SLC25A17: variants seen among roughly 807,000 people sequenced by gnomAD.
SLC25A17 encodes peroxisomal membrane protein PMP34.
A neutral mutation model predicts 38.5 loss-of-function variants in SLC25A17; 26 were observed. The observed-to-expected ratio is 0.68, with a 90% confidence interval of 0.50 to 0.94. The LOEUF is 0.94. Among genes scored for constraint, SLC25A17 ranks in the 40% least tolerant of loss-of-function variants. The probability of loss-of-function intolerance (pLI) is 0.00; values close to 1 mark genes in which losing one functional copy is unlikely to be tolerated. For missense variants in SLC25A17, 333 were observed against 372.7 expected (o/e 0.89, Z 0.88); for synonymous variants, 139 against 136.2 (o/e 1.02, Z -0.14).
At chr22:40,786,310 CAAAA>C (rs1294429530) in intron 4 of SLC25A17, among the ~76,000 whole-genome samples, 1 of 120,242 alleles carries the variant, frequency 8.3e-6, no homozygotes. Flanking sequence ...AACCCTGTTG[CAAAA>C]AAAAAAAAAA....
At chr22:40,792,750 G>T in intron 3 of SLC25A17, 74 bp from the exon 4 acceptor site, 1 of 1,509,046 alleles carries the variant, frequency 6.6e-7, no homozygotes, top group Non-Finnish European at 9.1e-7. Flanking sequence ...CCTAGGAAAG[G>T]CTGACCATCA....
At chr22:40,787,729 T>C (rs986254651) in intron 4 of SLC25A17, among the ~76,000 whole-genome samples, 2 of 151,922 alleles carry the variant, frequency 1.3e-5, no homozygotes, top group Admixed American at 6.6e-5. Context: ...ACACTTATTT[T>C]ACTGTCTTCG....
chr22:40,818,657 G>C (rs2057665502), intron 1 of SLC25A17, among the ~76,000 whole-genome samples: 1 of 147,190 alleles, frequency 6.8e-6, no homozygotes, highest in African/African-American at 2.5e-5. Flanking sequence ...AGTGAGTCGT[G>C]ATCGCGCCAC....
chr22:40,805,894 G>A (rs940245686), intron 1 of SLC25A17, among the ~76,000 whole-genome samples: 5 of 152,130 alleles, frequency 3.3e-5, no homozygotes, highest in Non-Finnish European at 5.9e-5. Flanking sequence ...TAATACAGCC[G>A]GATTACTATT....
chr22:40,819,251 G>T lies in SLC25A17; in HGVS notation c.-3C>A, dbSNP rs369861280. 6.2e-7 allele frequency: 1 copy of T among 1,613,816 alleles called. No homozygotes were observed. Among genetic ancestry groups the T allele is most frequent in the African/African-American group, 1.3e-5 (1 of 75,048 alleles). On this transcript the variant is annotated 5_prime_UTR_variant, in exon 1 of 9. Transcript: ENST00000435456. ...TCGTAGGACAGCACGGAAGCCATTG[G>T]TGCGGCTCCTCGAAGACCCAGCCAC... is the stretch of plus-strand genomic sequence containing the variant.
chr22:40,794,778 C>T (rs2057413797), intron 2 of SLC25A17, among the ~76,000 whole-genome samples, 198 bp from the exon 3 acceptor site: 1 of 152,118 alleles, frequency 6.6e-6, no homozygotes, highest in African/African-American at 2.4e-5. Context: ...CACCACCATG[C>T]CCAGCTAATT....
intron 1 of SLC25A17, chr22:40,817,402 A>T (rs1367209584): frequency 6.6e-6 from 1 of 152,132 alleles, no homozygotes; most frequent in Non-Finnish European, 1.5e-5. Context: ...AGTCATTGAG[A>T]TTCTTCTGTC....
intron 4 of SLC25A17, among the ~76,000 whole-genome samples, chr22:40,787,448 C>T (rs1361242772): frequency 6.6e-6 from 1 of 152,164 alleles, no homozygotes; most frequent in Admixed American, 6.5e-5. Context: ...TAGCGAGTAG[C>T]CTACCTGTTA....
At chr22:40,812,651 G>A (rs2057594807) in intron 1 of SLC25A17, among the ~76,000 whole-genome samples, 1 of 152,194 alleles carries the variant, frequency 6.6e-6, no homozygotes, top group East Asian at 1.9e-4. Flanking sequence ...CTGAGTCACA[G>A]CAGCACCACT....
chr22:40,776,365 T>C, intron 7 of SLC25A17: 3 of 457,750 alleles, frequency 6.6e-6, no homozygotes, highest in South Asian at 4.9e-5. Context: ...AAATCATTCA[T>C]TCCTCCTGAG....
Position 40,785,610 on chromosome 22 carries a change from C to A in SLC25A17, c.335-6485G>T, listed in dbSNP as rs551236380. Among the ~76,000 whole-genome samples, 15 of 152,248 alleles carry A rather than the reference C, an allele frequency of 9.9e-5. No individual in the cohort carries two copies. The South Asian group carries it at 1.9e-3, about 19-fold the overall frequency. ...AAGAGAATAGGATGGCCGGGTTAAA[C>A]AGGCTTTGCAGGACAAGGTAAGGAC... is the stretch of plus-strand genomic sequence containing the variant. On this transcript the variant is annotated intron_variant, in intron 4 of 8. Transcript: ENST00000435456.
intron 8 of SLC25A17, among the ~76,000 whole-genome samples, chr22:40,773,717 A>G (rs1019326124): frequency 1.3e-5 from 2 of 152,252 alleles, no homozygotes; most frequent in Non-Finnish European, 2.9e-5. Context: ...ATTTGTAACT[A>G]ACAAAGAATA....
chr22:40,818,662 C>T (rs1481742849), intron 1 of SLC25A17, among the ~76,000 whole-genome samples: 1 of 148,514 alleles, frequency 6.7e-6, no homozygotes, highest in African/African-American at 2.5e-5. Context: ...GTCGTGATCG[C>T]GCCACTGCAC....
intron 1 of SLC25A17, among the ~76,000 whole-genome samples, chr22:40,807,189 A>G (rs2053078903): frequency 6.6e-6 from 1 of 152,252 alleles, no homozygotes; most frequent in Non-Finnish European, 1.5e-5. Flanking sequence ...TTGTGAATGT[A>G]TTAAATACCA....
chr22:40,785,153 G>A (rs966354050), intron 4 of SLC25A17, among the ~76,000 whole-genome samples: 3 of 152,172 alleles, frequency 2.0e-5, no homozygotes, highest in African/African-American at 4.8e-5. Context: ...GGAGGCTGAC[G>A]CAGGTGGATC....
intron 2 of SLC25A17, chr22:40,797,178 G>A (rs1276706754): frequency 9.9e-6 from 5 of 505,714 alleles, no homozygotes; most frequent in Non-Finnish European, 1.5e-5. Context: ...TATATATTTT[G>A]CCTGTTGAAT....
At chr22:40,800,491 T>C (rs752509590) in intron 1 of SLC25A17, among the ~76,000 whole-genome samples, 6 of 152,188 alleles carry the variant, frequency 3.9e-5, no homozygotes, top group Non-Finnish European at 5.9e-5. Flanking sequence ...CTTGAACTCC[T>C]GGGCTCAAGC....
chr22:40,801,371 T>C (rs892192727), intron 1 of SLC25A17, among the ~76,000 whole-genome samples: 4 of 152,006 alleles, frequency 2.6e-5, no homozygotes, highest in Non-Finnish European at 4.4e-5. Flanking sequence ...CACTTATTTA[T>C]GGCTCTTTCA....
chr22:40,802,257 T>A (rs1722112302), intron 1 of SLC25A17, among the ~76,000 whole-genome samples: 1 of 152,144 alleles, frequency 6.6e-6, no homozygotes. Flanking sequence ...CTTGCCTACC[T>A]ATCTGGATAT....
Sources: allele counts gnomAD v4.1 joint callset (sites outside exome capture counted in the v4.1 genomes callset), GRCh38; gene constraint gnomAD v4.1.1; transcripts MANE v1.5; gene names NCBI Gene and HGNC (gene_info 2026-07-23, HGNC 2026-07-21).